HSPA12A: variants seen among roughly 807,000 people sequenced by gnomAD.
HSPA12A encodes heat shock 70 kDa protein 12A.
In HSPA12A, 28 loss-of-function variants were observed where a neutral mutation model predicts 69.2. The ratio of observed to expected loss-of-function variants is 0.40; its 90% CI spans 0.30 to 0.55. The LOEUF is 0.55. Among genes scored for constraint, HSPA12A ranks in the 20% least tolerant of loss-of-function variants. The pLI, the probability that HSPA12A is intolerant of heterozygous loss-of-function variation, is 0.38. For missense variants in HSPA12A, 686 were observed against 900.7 expected (o/e 0.76, Z 3.05); for synonymous variants, 345 against 370.5 (o/e 0.93, Z 0.79).
chr10:116,846,497 G>A (rs1445602806), intron 1 of HSPA12A, among the ~76,000 whole-genome samples: 6 of 151,840 alleles, frequency 4.0e-5, no homozygotes, highest in Non-Finnish European at 5.9e-5. Context: ...CCACAAGCAC[G>A]TGCTGCCATG....
intron 1 of HSPA12A, among the ~76,000 whole-genome samples, chr10:116,727,889 C>G (rs1181820854): frequency 1.3e-5 from 2 of 150,478 alleles, no homozygotes; most frequent in Non-Finnish European, 3.0e-5. Context: ...TCCTGAGTAG[C>G]TGGGATTACA....
intron 3 of HSPA12A, among the ~76,000 whole-genome samples, chr10:116,702,970 T>G (rs1487998000): frequency 6.6e-6 from 1 of 152,320 alleles, no homozygotes; most frequent in Middle Eastern, 3.4e-3. Flanking sequence ...TTTCACTGCA[T>G]GACTATTCTG....
Position 116,710,908 on chromosome 10 carries a change from A to G in HSPA12A, c.41-3623T>C, listed in dbSNP as rs1397000958. 6.6e-6 allele frequency among the ~76,000 whole-genome samples: 1 copy of G among 152,238 alleles called. No individual in the cohort carries two copies. The highest frequency in any genetic ancestry group is 2.4e-5 in the African/African-American group (1 of 41,462). On this transcript the variant is annotated intron_variant, in intron 1 of 11. Transcript: ENST00000369209. The surrounding 1 kb of genome is among the most constrained non-coding windows in gnomAD (Gnocchi z 4.1). ...TGCTCAAAAATTCTCAGGGGAAAAA[A>G]AACGGAAAAGCCTATCTCACCCCCT...
chr10:116,689,103 C>T (rs1424536101), intron 6 of HSPA12A, among the ~76,000 whole-genome samples: 3 of 152,112 alleles, frequency 2.0e-5, no homozygotes, highest in East Asian at 1.9e-4. Context: ...GCAGCCTTTA[C>T]GGGCAGTGAG....
Position 116,748,754 on chromosome 10 carries a change from A to G in HSPA12A, c.92-41469T>C, listed in dbSNP as rs189032786. ...ATAAAACCATCAGATTTCATGAGAC[A>G]TATTCACTACACAAGAACAGCATGG... On this transcript the variant is annotated intron_variant, in intron 2 of 12. Transcript: ENST00000635765. 5.4e-4 allele frequency among the ~76,000 whole-genome samples: 82 copies of G among 152,350 alleles called. 4 individuals are homozygous for G. The East Asian group carries it at 0.012, about 21-fold the overall frequency.
chr10:116,746,863 T>C (rs1245444921), upstream of HSPA12A, among the ~76,000 whole-genome samples: 1 of 152,194 alleles, frequency 6.6e-6, no homozygotes, highest in Non-Finnish European at 1.5e-5. Flanking sequence ...CTGATATGAG[T>C]TCATATCTGA....
intron 1 of HSPA12A, among the ~76,000 whole-genome samples, chr10:116,722,611 G>A (rs1260723555): frequency 6.6e-6 from 1 of 152,190 alleles, no homozygotes; most frequent in Non-Finnish European, 1.5e-5. Context: ...CCCCACACTC[G>A]GTGTGCCTGT....
intron 2 of HSPA12A, among the ~76,000 whole-genome samples, chr10:116,753,650 T>C (rs554682937): frequency 6.6e-6 from 1 of 152,274 alleles, no homozygotes; most frequent in South Asian, 2.1e-4. Flanking sequence ...GGAATAATTA[T>C]GGCACCCACC....
Position 116,697,205 on chromosome 10 carries a change from A to T in HSPA12A, c.546+1430T>A, listed in dbSNP as rs181095423. ...TCACTAAATTTCCTTTAGTGGTCACACAATACCAAATGCTTCTGAAGTTCC... is the reference window on the plus strand; with the variant it reads ...TCACTAAATTTCCTTTAGTGGTCACTCAATACCAAATGCTTCTGAAGTTCC... On this transcript the variant is annotated intron_variant, in intron 5 of 11. Coordinates refer to ENST00000369209, the MANE Select transcript of HSPA12A (RefSeq NM_025015.3). 4.3e-3 allele frequency among the ~76,000 whole-genome samples: 662 copies of T among 152,328 alleles called. 6 individuals carry two copies. The highest frequency in any genetic ancestry group is 6.8e-3 in the Middle Eastern group (2 of 294).
At chr10:116,734,179 G>T (rs1211345375) in intron 1 of HSPA12A, among the ~76,000 whole-genome samples, 2 of 145,196 alleles carry the variant, frequency 1.4e-5, no homozygotes, top group Non-Finnish European at 2.9e-5. Flanking sequence ...AACCAAGACA[G>T]GCAGATCACA....
chr10:116,838,475 C>T (rs1044983371), intron 1 of HSPA12A, among the ~76,000 whole-genome samples: 5 of 152,178 alleles, frequency 3.3e-5, no homozygotes, highest in Admixed American at 2.6e-4. Flanking sequence ...CAAACACACA[C>T]ATCATCAGTG....
At position 116,681,255 on chromosome 10, in the gene HSPA12A, A is replaced by C; in HGVS notation, c.924T>G (p.Gly308=). 1 of 1,613,424 alleles carries C rather than the reference A, an allele frequency of 6.2e-7. No homozygotes were observed. The highest frequency in any genetic ancestry group is 1.1e-5 in the South Asian group (1 of 91,058). The part of the protein sequence containing the change: ...IGEIWSELEE[G]DKYVVVDSGG... ...CACTGTCCACAACCACATACTTATC[A>C]CCTGGCACAAAAACAGCCATCTTTT... The change falls in exon 9 of 12, where the codon GGT becomes GGG. Residue 308 remains glycine (G), a splice_region_variant and synonymous_variant. Coordinates refer to ENST00000369209, the MANE Select transcript of HSPA12A (RefSeq NM_025015.3).
chr10:116,789,995 C>T (rs1047940115), intron 2 of HSPA12A, among the ~76,000 whole-genome samples: 4 of 152,118 alleles, frequency 2.6e-5, no homozygotes. Flanking sequence ...CAGACCCTGC[C>T]CACGCTCCAT....
chr10:116,776,244 G>A (rs968239101), intron 2 of HSPA12A, among the ~76,000 whole-genome samples: 1 of 152,180 alleles, frequency 6.6e-6, no homozygotes, highest in Non-Finnish European at 1.5e-5. Context: ...AGCATCTCAG[G>A]TCCGTCCGCC....
At chr10:116,719,160 G>C (rs1850698493) in intron 1 of HSPA12A, among the ~76,000 whole-genome samples, 1 of 152,166 alleles carries the variant, frequency 6.6e-6, no homozygotes, top group Non-Finnish European at 1.5e-5. Flanking sequence ...GATCCCTCCT[G>C]ATAACTTGGG....
In HSPA12A at chr10:116,672,111, A is replaced by G. The variant is rs1023089749; in HGVS notation, c.*2670T>C. On this transcript the variant is annotated 3_prime_UTR_variant, in exon 12 of 12. Transcript: ENST00000369209. The stretch of plus-strand genomic sequence containing the variant: ...GCAGGAAAGGCTTTACATTAGCCCA[A>G]AAAAGAGGGGCTTGACCATGTTACT... 2.0e-5 allele frequency: 3 copies of G among 152,388 alleles called. No individual in the cohort carries two copies. The highest frequency in any genetic ancestry group is 4.4e-5 in the Non-Finnish European group (3 of 68,054). 9.4% of individuals were successfully genotyped at this position (152,388 alleles called of 1,614,324 possible).
Position 116,677,814 on chromosome 10 carries a change from G to C in HSPA12A, c.1287-1312C>G, listed in dbSNP as rs115976506. 5.6e-3 allele frequency among the ~76,000 whole-genome samples: 858 copies of C among 152,268 alleles called. 10 individuals are homozygous for C. The highest frequency in any genetic ancestry group is 0.019 in the African/African-American group (809 of 41,538). Reference sequence around the variant, plus strand: ...AGGGATTCAGAGCCAACGTGAGAAGGCTCCTACTGGCCGAGATGGGACAGT... The same window carrying C: ...AGGGATTCAGAGCCAACGTGAGAAGCCTCCTACTGGCCGAGATGGGACAGT... On this transcript the variant is annotated intron_variant, in intron 10 of 11. Transcript: ENST00000369209.
At chr10:116,751,822 T>C (rs1851782303) in intron 2 of HSPA12A, among the ~76,000 whole-genome samples, 1 of 152,092 alleles carries the variant, frequency 6.6e-6, no homozygotes, top group Non-Finnish European at 1.5e-5. Context: ...ATGAGTGAGT[T>C]CTCAGTTCAC....
chr10:116,679,554 T>A lies in HSPA12A; in HGVS notation c.1235A>T (p.Tyr412Phe). Residue 412 changes from tyrosine (Y) to phenylalanine (F), a missense_variant, in exon 10 of 12, where the codon TAC becomes TTC. Physicochemically the swap from Tyr to Phe is conservative, Grantham distance 22 (BLOSUM62 3). Transcript: ENST00000369209. ...NITLPFSFID[Y>F]YKKFRGHSVE... ...ACTGTGCCCGCGGAACTTCTTGTAGTAGTCAATGAAGGAGAAGGGCAGGGT... is the reference window on the plus strand; with the variant it reads ...ACTGTGCCCGCGGAACTTCTTGTAGAAGTCAATGAAGGAGAAGGGCAGGGT... 1 of 1,614,206 alleles carries A rather than the reference T, an allele frequency of 6.2e-7. No individual in the cohort carries two copies. The highest frequency in any genetic ancestry group is 2.2e-5 in the East Asian group (1 of 44,884).
Sources: allele counts gnomAD v4.1 joint callset (sites outside exome capture counted in the v4.1 genomes callset), GRCh38; gene constraint gnomAD v4.1.1; non-coding constraint Gnocchi (gnomAD v3.1); transcripts MANE v1.5; gene names NCBI Gene and HGNC (gene_info 2026-07-23, HGNC 2026-07-21).